RPS6KC1: variants seen among roughly 807,000 people sequenced by gnomAD.
RPS6KC1 encodes ribosomal protein S6 kinase C1.
RPS6KC1 carries 54 observed loss-of-function variants against 103.8 expected under a neutral mutation model. The ratio of observed to expected loss-of-function variants is 0.52; its 90% CI spans 0.42 to 0.65. The LOEUF is 0.65. Ranked by LOEUF, RPS6KC1 falls within the 30% of genes least tolerant of loss-of-function variation. The pLI is 0.00. For synonymous variants in RPS6KC1, 439 were observed against 438.7 expected (o/e 1.00, Z -0.01); for missense variants, 1,151 against 1,253.8 (o/e 0.92, Z 1.24).
At chr1:213,398,644 G>A in the RPS6KC1 span, among the ~76,000 whole-genome samples, 1 of 152,060 alleles carries the variant, frequency 6.6e-6, no homozygotes, top group African/African-American at 2.4e-5. Flanking sequence ...AATTATTCAT[G>A]TTTTCTCTTT....
At chr1:213,462,714 C>T in the RPS6KC1 span, among the ~76,000 whole-genome samples, 1 of 152,142 alleles carries the variant, frequency 6.6e-6, no homozygotes, top group Admixed American at 6.5e-5. Flanking sequence ...AACACATGAA[C>T]ACAGGGAGGG....
chr1:213,686,473 A>G, the RPS6KC1 span, among the ~76,000 whole-genome samples: 1 of 152,210 alleles, frequency 6.6e-6, no homozygotes, highest in African/African-American at 2.4e-5. Context: ...TTGCTAAATC[A>G]TTCTGTGTAG....
At chr1:213,531,144 A>G in the RPS6KC1 span, among the ~76,000 whole-genome samples, 4 of 152,202 alleles carry the variant, frequency 2.6e-5, no homozygotes, top group Non-Finnish European at 4.4e-5. Context: ...CAGAGATCGA[A>G]GGGTGCCTTT....
chr1:213,520,175 T>G, the RPS6KC1 span, among the ~76,000 whole-genome samples: 2 of 152,198 alleles, frequency 1.3e-5, no homozygotes, highest in African/African-American at 4.8e-5. Context: ...GATAAAGACA[T>G]GTCTGAGACT....
the RPS6KC1 span, among the ~76,000 whole-genome samples, chr1:213,756,517 C>A: frequency 1.5e-4 from 23 of 152,164 alleles, no homozygotes; most frequent in Non-Finnish European, 2.5e-4. Flanking sequence ...GTGTTGAACA[C>A]GTCTATCAGC....
chr1:213,664,117 G>A, the RPS6KC1 span, among the ~76,000 whole-genome samples: 3 of 150,372 alleles, frequency 2.0e-5, no homozygotes, highest in Non-Finnish European at 4.4e-5. Flanking sequence ...CAGCACACAG[G>A]GCAGCTCCCC....
the RPS6KC1 span, among the ~76,000 whole-genome samples, chr1:213,632,078 A>G: frequency 6.6e-6 from 1 of 152,194 alleles, no homozygotes; most frequent in African/African-American, 2.4e-5. Context: ...TTGTTCCATA[A>G]TATCAAGAGG....
At chr1:213,588,241 A>T in the RPS6KC1 span, among the ~76,000 whole-genome samples, 2 of 151,100 alleles carry the variant, frequency 1.3e-5, no homozygotes, top group African/African-American at 4.9e-5. Flanking sequence ...CACGGCACTA[A>T]TCCCACTCAT....
the RPS6KC1 span, among the ~76,000 whole-genome samples, chr1:213,741,727 C>T: frequency 6.6e-6 from 1 of 152,070 alleles, no homozygotes; most frequent in Non-Finnish European, 1.5e-5. Flanking sequence ...TGCCTCCGCC[C>T]TTCTCTCCAG....
the RPS6KC1 span, among the ~76,000 whole-genome samples, chr1:213,761,132 A>G: frequency 1.3e-5 from 2 of 151,838 alleles, no homozygotes; most frequent in Non-Finnish European, 2.9e-5. Flanking sequence ...GGGTTGAGCT[A>G]TTTCCCTTCT....
chr1:213,827,000 A>T, the RPS6KC1 span, among the ~76,000 whole-genome samples: 1 of 152,008 alleles, frequency 6.6e-6, no homozygotes, highest in South Asian at 2.1e-4. Flanking sequence ...CACTCCGCAG[A>T]CTCTTTTAAT....
chr1:213,448,967 G>A, the RPS6KC1 span, among the ~76,000 whole-genome samples: 2 of 152,208 alleles, frequency 1.3e-5, no homozygotes, highest in South Asian at 2.1e-4. Flanking sequence ...GCCTCAACTC[G>A]GGAAGTCTTG....
chr1:213,361,262 C>T, the RPS6KC1 span, among the ~76,000 whole-genome samples: 60,001 of 152,200 alleles, frequency 0.39, 13,460 homozygotes, highest in African/African-American at 0.6. Flanking sequence ...CAATGGCAGG[C>T]GCCCTCCCCC....
the RPS6KC1 span, among the ~76,000 whole-genome samples, chr1:213,830,328 A>T: frequency 1.3e-5 from 2 of 152,218 alleles, no homozygotes; most frequent in African/African-American, 4.8e-5. Context: ...TTATAAAAAG[A>T]AATTAATTTT....
chr1:213,431,791 C>T, the RPS6KC1 span, among the ~76,000 whole-genome samples: 3 of 151,826 alleles, frequency 2.0e-5, no homozygotes, highest in Non-Finnish European at 4.4e-5. Flanking sequence ...TGTTTTAATA[C>T]ACATTGTGTG....
the RPS6KC1 span, among the ~76,000 whole-genome samples, chr1:213,369,962 C>T: frequency 1.3e-3 from 195 of 152,282 alleles, 3 homozygotes; most frequent in East Asian, 0.024. Flanking sequence ...TCTAGGCCAG[C>T]GTGTAAGATG....
At chr1:213,712,666 G>A in the RPS6KC1 span, among the ~76,000 whole-genome samples, 1 of 152,178 alleles carries the variant, frequency 6.6e-6, no homozygotes, top group East Asian at 1.9e-4. Flanking sequence ...GGAATCTCCT[G>A]GTCTGCAGTT....
intron 10 of RPS6KC1, among the ~76,000 whole-genome samples, chr1:213,232,666 A>G (rs148131651): frequency 6.6e-6 from 1 of 152,314 alleles, no homozygotes; most frequent in Non-Finnish European, 1.5e-5. Context: ...CTTCTTTTAG[A>G]AGGCAAGGGT....
chr1:213,249,426 G>A (rs1351344277), intron 12 of RPS6KC1, among the ~76,000 whole-genome samples: 2 of 152,114 alleles, frequency 1.3e-5, no homozygotes, highest in East Asian at 1.9e-4. Flanking sequence ...AAATGCTAAG[G>A]TTTTTAAAAA....
Sources: allele counts gnomAD v4.1 joint callset (sites outside exome capture counted in the v4.1 genomes callset), GRCh38; gene constraint gnomAD v4.1.1; transcripts MANE v1.5; gene names NCBI Gene and HGNC (gene_info 2026-07-23, HGNC 2026-07-21).